The following CNIH3 variants were observed in gnomAD, a reference collection of about 807,000 sequenced individuals.
The protein encoded by CNIH3 is cornichon family AMPA receptor auxiliary protein 3, also known as protein cornichon homolog 3.
CNIH3 carries 14 observed loss-of-function variants against 24.1 expected under a neutral mutation model. The ratio of observed to expected loss-of-function variants is 0.58; its 90% confidence interval spans 0.38 to 0.91. The LOEUF (loss-of-function observed/expected upper bound fraction) is 0.91, where lower values mean the gene tolerates loss of function less well. CNIH3 is among the 40% of genes least tolerant of loss of function. The pLI is 0.00. For synonymous variants in CNIH3, 68 were observed against 73.8 expected (o/e 0.92, Z 0.40); for missense variants, 178 against 196.8 (o/e 0.90, Z 0.57).
At chr1:224,504,133 G>A (rs1677800181) in intron 1 of CNIH3, among the ~76,000 whole-genome samples, 2 of 152,144 alleles carry the variant, frequency 1.3e-5, no homozygotes, top group Non-Finnish European at 2.9e-5. Context: ...ATGCCTTCCC[G>A]AGTTAGACCT....
At chr1:224,690,682 C>T (rs1262866096) in intron 3 of CNIH3, among the ~76,000 whole-genome samples, 1 of 152,194 alleles carries the variant, frequency 6.6e-6, no homozygotes, top group East Asian at 1.9e-4. Context: ...CAGGTTTTCC[C>T]TGACATTTGT....
chr1:224,684,789 C>T lies in CNIH3; in HGVS notation c.151-7C>T. On this transcript the variant is annotated splice_polypyrimidine_tract_variant and splice_region_variant and intron_variant, in intron 2 of 5. Coordinates refer to ENST00000272133, the MANE Select transcript of CNIH3 (RefSeq NM_152495.2). The surrounding 1 kb of genome is among the most constrained non-coding windows in gnomAD (Gnocchi z 4.2). ...CCCTCTCATTTCTTTCTTGTGCATC[C>T]TGATAGAGGGAACGGTTGAGGAACA... 5.6e-6 allele frequency: 9 copies of T among 1,613,762 alleles called. No individual in the cohort carries two copies. The highest frequency in any genetic ancestry group is 7.6e-6 in the Non-Finnish European group (9 of 1,179,650).
intron 1 of CNIH3, among the ~76,000 whole-genome samples, chr1:224,678,894 G>T (rs1572708590): frequency 6.6e-6 from 1 of 152,214 alleles, no homozygotes; most frequent in Non-Finnish European, 1.5e-5. Flanking sequence ...ATAGGCTGGG[G>T]TCAGCAGATT....
At chr1:224,624,388 C>T (rs527471871) in intron 1 of CNIH3, among the ~76,000 whole-genome samples, 1 of 152,132 alleles carries the variant, frequency 6.6e-6, no homozygotes, top group African/African-American at 2.4e-5. Context: ...CAGACCTGTC[C>T]CCCGACACTG....
intron 1 of CNIH3, among the ~76,000 whole-genome samples, chr1:224,472,105 T>C (rs927498032): frequency 2.6e-5 from 4 of 152,180 alleles, no homozygotes; most frequent in Admixed American, 6.6e-5. Context: ...GATGTCTGGA[T>C]CATATGATAG....
intron 4 of CNIH3, chr1:224,575,152 C>G: frequency 2.0e-6 from 2 of 996,228 alleles, no homozygotes; most frequent in Non-Finnish European, 3.2e-6. Flanking sequence ...AAGGCGATCA[C>G]AGCCAAACAC....
intron 3 of CNIH3, among the ~76,000 whole-genome samples, chr1:224,696,326 CTGTT>C (rs1426197727): frequency 6.6e-6 from 1 of 152,216 alleles, no homozygotes; most frequent in Non-Finnish European, 1.5e-5. Context: ...TTCTCTTTAA[CTGTT>C]TGGCCAGATC....
chr1:224,533,013 A>G (rs1679134178), intron 2 of CNIH3, among the ~76,000 whole-genome samples: 1 of 152,202 alleles, frequency 6.6e-6, no homozygotes, highest in Non-Finnish European at 1.5e-5. Flanking sequence ...TGTAATAAAT[A>G]TTATGTGAGT....
chr1:224,547,046 A>T (rs1055297918), intron 3 of CNIH3: 2 of 231,880 alleles, frequency 8.6e-6, no homozygotes, highest in African/African-American at 4.7e-5. Context: ...CTGTGTGCAT[A>T]CACGCAAGGT....
chr1:224,441,161 G>A (rs1362965528), intron 1 of CNIH3, among the ~76,000 whole-genome samples: 2 of 152,130 alleles, frequency 1.3e-5, no homozygotes, highest in Non-Finnish European at 2.9e-5. Flanking sequence ...TTTGGGTTGT[G>A]AGATTGTATA....
At chr1:224,466,202 C>A (rs569428288) in intron 1 of CNIH3, among the ~76,000 whole-genome samples, 33 of 152,272 alleles carry the variant, frequency 2.2e-4, no homozygotes, top group African/African-American at 4.8e-4. Flanking sequence ...AAGATACAGA[C>A]CCATTTCATC....
At chr1:224,534,868 C>T (rs899393589) in intron 2 of CNIH3, among the ~76,000 whole-genome samples, 1 of 152,166 alleles carries the variant, frequency 6.6e-6, no homozygotes, top group African/African-American at 2.4e-5. Flanking sequence ...TCTGTTTTTC[C>T]TAAGTACCTC....
At chr1:224,732,920 G>A (rs960886530) in intron 4 of CNIH3, among the ~76,000 whole-genome samples, 1 of 151,970 alleles carries the variant, frequency 6.6e-6, no homozygotes, top group Non-Finnish European at 1.5e-5. Flanking sequence ...CTAGTTCCTG[G>A]CAATTAGTAA....
intron 3 of CNIH3, among the ~76,000 whole-genome samples, chr1:224,722,689 G>A (rs528465002): frequency 9.9e-5 from 15 of 152,238 alleles, no homozygotes; most frequent in Admixed American, 8.5e-4. Context: ...CAGCAATCTG[G>A]GGTTTAGCAA....
At chr1:224,686,163 C>A (rs10458376) in intron 3 of CNIH3, among the ~76,000 whole-genome samples, 1 of 125,534 alleles carries the variant, frequency 8.0e-6, no homozygotes, top group African/African-American at 3.1e-5. Flanking sequence ...CCCCTCCCCC[C>A]ACCCCACGAC....
At chr1:224,635,261 A>G (rs1226893472) in intron 1 of CNIH3, among the ~76,000 whole-genome samples, 2 of 152,160 alleles carry the variant, frequency 1.3e-5, no homozygotes, top group Admixed American at 6.5e-5. Context: ...ATCTGCACCC[A>G]TGATCCAATC....
At chr1:224,573,382 G>A (rs963906409) in intron 4 of CNIH3, among the ~76,000 whole-genome samples, 5 of 152,138 alleles carry the variant, frequency 3.3e-5, no homozygotes, top group Non-Finnish European at 7.4e-5. Context: ...GGAGATGTAT[G>A]AAAATGGGTC....
At chr1:224,630,904 G>A (rs941380565) in intron 1 of CNIH3, among the ~76,000 whole-genome samples, 1 of 151,978 alleles carries the variant, frequency 6.6e-6, no homozygotes, top group Non-Finnish European at 1.5e-5. Context: ...TGTAAAAACC[G>A]AATCCCAGCG....
intron 1 of CNIH3, among the ~76,000 whole-genome samples, chr1:224,658,326 C>T (rs1685193072): frequency 6.6e-6 from 1 of 152,070 alleles, no homozygotes; most frequent in African/African-American, 2.4e-5. Context: ...TCACCATGCC[C>T]AGCTAATTTT....
Sources: gnomAD v4.1 joint callset for allele counts (sites outside exome capture counted in the v4.1 genomes callset) on GRCh38, gnomAD v4.1.1 for gene constraint, Gnocchi (gnomAD v3.1) non-coding constraint, MANE v1.5 for transcripts, NCBI Gene and HGNC (gene_info 2026-07-23, HGNC 2026-07-21) for gene names.